The following LDHAL6A variants were observed in gnomAD, a reference collection of about 807,000 sequenced individuals.
The protein encoded by LDHAL6A is lactate dehydrogenase A like 6A.
A neutral mutation model predicts 28.2 loss-of-function variants in LDHAL6A; 19 were observed. The observed-to-expected ratio is 0.67, with a 90% CI of 0.47 to 0.99. The LOEUF is 0.99. Ranked by LOEUF, LDHAL6A falls within the 50% of genes least tolerant of loss-of-function variation. The pLI is 0.00. For synonymous variants in LDHAL6A, 144 were observed against 134.4 expected, an observed-to-expected ratio of 1.07 and a Z score of -0.49; for missense variants, 372 against 398.6, an observed-to-expected ratio of 0.93 and a Z score of 0.57.
In LDHAL6A at chr11:18,475,625, A is replaced by G. The variant is rs377599611; in HGVS notation, c.578A>G (p.His193Arg). The G allele has an allele frequency of 3.8e-5, 61 of 1,613,142 alleles. No homozygotes were observed. The highest frequency in any genetic ancestry group is 8.4e-5 in the Admixed American group (5 of 59,804). The change falls in exon 4 of 7, where the codon CAT (histidine) becomes CGT (arginine). Residue 193 changes from histidine (H) to arginine (R), a missense_variant. This residue lies in a region of LDHAL6A where 291 missense variants were observed against 302.9 expected (regional missense o/e 0.96). Coordinates refer to ENST00000280706, the MANE Select transcript of LDHAL6A (RefSeq NM_144972.5). ...TGTCATGGGCTGATCCTTGGAGAGCATGGCGACTCAAGTGGTAAGCCTGAG... is the reference window on the plus strand; with the variant it reads ...TGTCATGGGCTGATCCTTGGAGAGCGTGGCGACTCAAGTGGTAAGCCTGAG... ...ESCHGLILGEHGDSSVPVWSG... is the reference protein window; with the variant it reads ...ESCHGLILGERGDSSVPVWSG...
intron 3 of LDHAL6A, among the ~76,000 whole-genome samples, chr11:18,468,025 GTATATATATATACA>G (rs1297279568): frequency 2.0e-4 from 11 of 54,998 alleles, no homozygotes; most frequent in African/African-American, 1.1e-3. Flanking sequence ...ATATATATAC[GTATATATATATACA>G]TATATATACG....
Position 18,475,627 on chromosome 11 carries a change from G to A in LDHAL6A, c.580G>A (p.Gly194Ser). Residue 194 changes from glycine to serine, a missense_variant, in exon 4 of 7, where the codon GGC becomes AGC. Transcript: ENST00000280706. ...SCHGLILGEHGDSSVPVWSGV... is the reference protein window; with the variant it reads ...SCHGLILGEHSDSSVPVWSGV... Reference sequence around the variant, plus strand: ...TCATGGGCTGATCCTTGGAGAGCATGGCGACTCAAGTGGTAAGCCTGAGGC... The same window carrying A: ...TCATGGGCTGATCCTTGGAGAGCATAGCGACTCAAGTGGTAAGCCTGAGGC... The A allele has an allele frequency of 1.9e-6, 3 of 1,612,952 alleles. No individual in the cohort carries two copies. The South Asian group carries it at 3.3e-5, about 18-fold the overall frequency.
intron 3 of LDHAL6A, among the ~76,000 whole-genome samples, chr11:18,470,681 C>T (rs1471941364): frequency 6.6e-6 from 1 of 151,768 alleles, no homozygotes; most frequent in Non-Finnish European, 1.5e-5. Context: ...TACCTATTTA[C>T]CTAGCACACT....
chr11:18,466,211 G>A (rs897526749), intron 3 of LDHAL6A, among the ~76,000 whole-genome samples: 2 of 152,048 alleles, frequency 1.3e-5, no homozygotes, highest in Non-Finnish European at 2.9e-5. Flanking sequence ...GAGTTTTTGG[G>A]GGTGGGTTTA....
At chr11:18,461,361 T>C (rs1848898215) in intron 1 of LDHAL6A, among the ~76,000 whole-genome samples, 1 of 149,944 alleles carries the variant, frequency 6.7e-6, no homozygotes, top group Admixed American at 6.7e-5. Flanking sequence ...GCCAGGTTGG[T>C]CTCGAACTCC....
In LDHAL6A at chr11:18,456,371, A is replaced by C; in HGVS notation, c.-310A>C. On this transcript the variant is annotated 5_prime_UTR_variant, in exon 1 of 7. Transcript: ENST00000280706. ...CGGGACGGAGTGCCGTCCCAGCTGT[A>C]GTTTCATGTTTGGTGGAGCAACCCC... The C allele has an allele frequency of 3.8e-6, 1 of 266,656 alleles. No homozygotes were observed. Among genetic ancestry groups the C allele is most frequent in the Non-Finnish European group, 7.1e-6 (1 of 140,666 alleles). 16.5% of individuals were successfully genotyped at this position (266,656 alleles called of 1,614,324 possible).
intron 2 of LDHAL6A, among the ~76,000 whole-genome samples, chr11:18,465,235 G>C (rs866667325): frequency 6.6e-6 from 1 of 151,812 alleles, no homozygotes; most frequent in African/African-American, 2.4e-5. Context: ...TGATTCTCCT[G>C]CCTCAGTCTC....
rs750680693 is a variant in LDHAL6A, at chr11:18,462,654, AC to A, written c.127-1306del. 2.3e-3 allele frequency among the ~76,000 whole-genome samples: 138 copies of A among 60,030 alleles called. 8 individuals carry two copies. The highest frequency in any genetic ancestry group is 5.8e-3 in the African/African-American group (68 of 11,732). 39.4% of individuals were successfully genotyped at this position (60,030 alleles called of 152,430 possible). ...TCTGTCTCAAAAAACAAACAAACAA[AC>A]AAAAAAAAAAACAAAAAAAACCCAA... is the stretch of plus-strand genomic sequence containing the variant. On this transcript the variant is annotated intron_variant, in intron 1 of 6. Transcript: ENST00000280706.
At chr11:18,463,229 G>A (rs1050415746) in intron 1 of LDHAL6A, among the ~76,000 whole-genome samples, 24 of 152,210 alleles carry the variant, frequency 1.6e-4, no homozygotes, top group African/African-American at 5.5e-4. Context: ...GCTCTGCCAT[G>A]GATTAATCTA....
chr11:18,461,152 GT>G (rs34501848), intron 1 of LDHAL6A, among the ~76,000 whole-genome samples: 10 of 143,502 alleles, frequency 7.0e-5, no homozygotes, highest in Admixed American at 2.8e-4. Context: ...TCATTTACTT[GT>G]TTTTTTTTTG....
intron 2 of LDHAL6A, among the ~76,000 whole-genome samples, chr11:18,464,984 TTTGTTTTGTTTTGTTTTGGTTTG>T (rs1440263556): frequency 7.8e-6 from 1 of 128,796 alleles, no homozygotes; most frequent in Non-Finnish European, 1.6e-5. Context: ...TTTGTTTTTT[TTTGTTTTGTTTTGTTTTGGTTTG>T]TTTTTGAGAC....
intron 3 of LDHAL6A, among the ~76,000 whole-genome samples, chr11:18,472,082 C>T (rs1849269611): frequency 6.6e-6 from 1 of 152,078 alleles, no homozygotes; most frequent in South Asian, 2.1e-4. Context: ...CGGTTGGGTA[C>T]CCTGGGACAC....
At position 18,462,664 on chromosome 11, in the gene LDHAL6A, AAAC is replaced by A. The variant is rs1457784938; in HGVS notation, c.127-1294_127-1292del. On this transcript the variant is annotated intron_variant, in intron 1 of 6. Coordinates refer to ENST00000280706, the MANE Select transcript of LDHAL6A (RefSeq NM_144972.5). ...AAAACAAACAAACAAACAAAAAAAAAAACAAAAAAAACCCAAAAATTAGCTGGG... is the reference window on the plus strand; with the variant it reads ...AAAACAAACAAACAAACAAAAAAAAAAAAAAAAACCCAAAAATTAGCTGGG... Among the ~76,000 whole-genome samples the A allele has an allele frequency of 1.7e-3, 253 of 146,178 alleles. 12 individuals carry two copies. The highest frequency in any genetic ancestry group is 2.0e-3 in the African/African-American group (80 of 39,048).
intron 3 of LDHAL6A, among the ~76,000 whole-genome samples, chr11:18,472,972 C>T (rs1849285627): frequency 6.6e-6 from 1 of 152,072 alleles, no homozygotes; most frequent in South Asian, 2.1e-4. Context: ...GCTCTAAAAA[C>T]CACCTATTTT....
At chr11:18,461,345 A>G (rs1848897477) in intron 1 of LDHAL6A, among the ~76,000 whole-genome samples, 1 of 144,070 alleles carries the variant, frequency 6.9e-6, no homozygotes, top group Non-Finnish European at 1.5e-5. Context: ...GGGTTTCACC[A>G]TATTGGCCAG....
chr11:18,477,551 A>C (rs1201836541), intron 5 of LDHAL6A, 69 bp from the exon 6 acceptor site: 3 of 1,437,836 alleles, frequency 2.1e-6, no homozygotes, highest in Admixed American at 4.6e-5. Flanking sequence ...TGTTAGATAC[A>C]TTGCTACAAA....
chr11:18,468,847 T>C (rs779374045), intron 3 of LDHAL6A: 1 of 193,958 alleles, frequency 5.2e-6, no homozygotes, highest in Non-Finnish European at 1.0e-5. Flanking sequence ...TTGAGATTTA[T>C]TTATATATTT....
At chr11:18,463,269 A>G (rs1177225698) in intron 1 of LDHAL6A, among the ~76,000 whole-genome samples, 5 of 152,016 alleles carry the variant, frequency 3.3e-5, no homozygotes, top group African/African-American at 1.2e-4. Flanking sequence ...GGGAGTGGGA[A>G]TGGTAGCTTT....
chr11:18,466,534 G>T (rs963265068), intron 3 of LDHAL6A, among the ~76,000 whole-genome samples: 6 of 151,546 alleles, frequency 4.0e-5, no homozygotes, highest in African/African-American at 1.5e-4. Flanking sequence ...CATTCCTGTA[G>T]TCCCAGCTAC....
Sources: gnomAD v4.1 joint callset for allele counts (sites outside exome capture counted in the v4.1 genomes callset) on GRCh38, gnomAD v4.1.1 for gene constraint, gnomAD v4.1.1 regional missense constraint, MANE v1.5 for transcripts, NCBI Gene and HGNC (gene_info 2026-07-23, HGNC 2026-07-21) for gene names.